The following OCM variants were observed in gnomAD, a reference collection of about 807,000 sequenced individuals.
OCM encodes oncomodulin.
OCM carries 18 observed loss-of-function variants against 14.1 expected under a neutral mutation model. That is an observed-to-expected ratio of 1.28 (90% CI 0.88 to 1.89). OCM has a LOEUF of 1.89. OCM is among the 40% of genes most tolerant of loss of function. The pLI, the probability that OCM is intolerant of heterozygous loss-of-function variation, is 0.00. For missense variants in OCM, 140 were observed against 137.6 expected, an observed-to-expected ratio of 1.02 and a Z score of -0.09; for synonymous variants, 48 against 51.0, an observed-to-expected ratio of 0.94 and a Z score of 0.25.
At chr7:5,885,889 A>G (rs186746352) in intron 3 of OCM, among the ~76,000 whole-genome samples, 175 bp from the exon 4 acceptor site, 1 of 152,246 alleles carries the variant, frequency 6.6e-6, no homozygotes, top group African/African-American at 2.4e-5. Flanking sequence ...GATTACAGGC[A>G]TGAGCCACTG....
the OCM span, among the ~76,000 whole-genome samples, chr7:5,861,238 A>C: frequency 6.6e-6 from 1 of 152,082 alleles, no homozygotes; most frequent in Non-Finnish European, 1.5e-5. Flanking sequence ...CCTGGCCAAC[A>C]CGGTGAAACC....
the OCM span, among the ~76,000 whole-genome samples, chr7:5,863,310 T>C: frequency 6.6e-6 from 1 of 152,150 alleles, no homozygotes; most frequent in Admixed American, 6.6e-5. Flanking sequence ...CCCGGGCGTG[T>C]CCTCAAACTG....
At chr7:5,875,932 CTCAA>C (rs1010150803), upstream of OCM, among the ~76,000 whole-genome samples, 3 of 151,928 alleles carry the variant, frequency 2.0e-5, no homozygotes, top group African/African-American at 2.4e-5. Flanking sequence ...ACTTCCCAGC[CTCAA>C]TCAATCTTCC....
the OCM span, chr7:5,872,086 G>A: frequency 6.6e-6 from 1 of 152,242 alleles, no homozygotes; most frequent in African/African-American, 2.4e-5. Flanking sequence ...GGAGCCCACA[G>A]ATTACGGCGC....
At chr7:5,876,532 A>T (rs1199154140), upstream of OCM, among the ~76,000 whole-genome samples, 1 of 152,122 alleles carries the variant, frequency 6.6e-6, no homozygotes, top group Non-Finnish European at 1.5e-5. Flanking sequence ...ATTTTTATTT[A>T]TTCATTCATC....
the OCM span, among the ~76,000 whole-genome samples, chr7:5,874,713 C>T: frequency 3.3e-5 from 5 of 151,914 alleles, no homozygotes; most frequent in Non-Finnish European, 7.4e-5. Context: ...GCTTTGTAAC[C>T]CAGGCTGGTC....
At chr7:5,883,081 A>T (rs1781254118) in intron 2 of OCM, among the ~76,000 whole-genome samples, 1 of 152,070 alleles carries the variant, frequency 6.6e-6, no homozygotes, top group Admixed American at 6.6e-5. Flanking sequence ...ACTTCAAGTG[A>T]TCCTCCTGCC....
the OCM span, among the ~76,000 whole-genome samples, chr7:5,872,813 C>A: frequency 3.3e-5 from 5 of 152,096 alleles, no homozygotes; most frequent in Non-Finnish European, 5.9e-5. Context: ...CTTCTCTCCA[C>A]TATTATCCTA....
At chr7:5,884,425 C>T (rs1159124562) in intron 3 of OCM, among the ~76,000 whole-genome samples, 3 of 152,190 alleles carry the variant, frequency 2.0e-5, no homozygotes, top group Non-Finnish European at 4.4e-5. Context: ...AAGCCCTCTT[C>T]GTCTTCAAGG....
chr7:5,875,058 ATT>A (rs67221316), upstream of OCM, among the ~76,000 whole-genome samples: 251 of 134,610 alleles, frequency 1.9e-3, no homozygotes, highest in African/African-American at 3.8e-3. Context: ...ATATATATGT[ATT>A]TTTTTTTTTT....
chr7:5,886,301 G>A lies in OCM; in HGVS notation c.*212G>A. On this transcript the variant is annotated 3_prime_UTR_variant, in exon 4 of 4. Coordinates refer to ENST00000242104, the MANE Select transcript of OCM (RefSeq NM_001097622.2). ...GTATATGCCCTGACAACTTCTGTAA[G>A]CCCCCCTTCCCCCAACAGGCAATGC... The A allele has an allele frequency of 1.8e-6, 1 of 561,728 alleles. No individual in the cohort carries two copies. Among genetic ancestry groups the A allele is most frequent in the African/African-American group, 1.9e-5 (1 of 53,306 alleles). 34.8% of individuals were successfully genotyped at this position (561,728 alleles called of 1,614,324 possible).
chr7:5,861,825 C>A, the OCM span, among the ~76,000 whole-genome samples: 1 of 151,698 alleles, frequency 6.6e-6, no homozygotes, highest in African/African-American at 2.4e-5. Context: ...GTGATCCTAC[C>A]GCCTCGGCCT....
At chr7:5,879,543 G>A (rs145875174), upstream of OCM, among the ~76,000 whole-genome samples, 36 of 152,204 alleles carry the variant, frequency 2.4e-4, no homozygotes, top group East Asian at 6.9e-3. Context: ...TATCAGGGGA[G>A]CCTTTTCAGC....
the OCM span, among the ~76,000 whole-genome samples, chr7:5,865,163 T>C: frequency 6.6e-6 from 1 of 151,956 alleles, no homozygotes; most frequent in Non-Finnish European, 1.5e-5. Flanking sequence ...AGGTGTTTCC[T>C]GGCCAGCGTC....
the OCM span, among the ~76,000 whole-genome samples, chr7:5,861,170 C>G: frequency 1.3e-5 from 2 of 151,962 alleles, no homozygotes; most frequent in African/African-American, 4.8e-5. Context: ...GCCTGTAATC[C>G]CAGCACTTTG....
At chr7:5,885,185 A>G (rs191813905) in intron 3 of OCM, among the ~76,000 whole-genome samples, 14 of 152,128 alleles carry the variant, frequency 9.2e-5, no homozygotes, top group East Asian at 3.9e-4. Context: ...AATAAATATA[A>G]AGCAAGTCCC....
At chr7:5,860,271 T>C in the OCM span, among the ~76,000 whole-genome samples, 1 of 151,558 alleles carries the variant, frequency 6.6e-6, no homozygotes, top group Non-Finnish European at 1.5e-5. Flanking sequence ...AAAATCAGCG[T>C]CCTATACCAT....
the OCM span, among the ~76,000 whole-genome samples, chr7:5,862,444 A>G: frequency 3.3e-5 from 5 of 151,990 alleles, no homozygotes; most frequent in African/African-American, 4.8e-5. Flanking sequence ...CCCCCTATAA[A>G]CTAGCCCTAA....
intron 2 of OCM, 51 bp from the exon 3 acceptor site, chr7:5,883,839 A>G: frequency 1.9e-6 from 3 of 1,608,744 alleles, no homozygotes; most frequent in Non-Finnish European, 2.6e-6. Flanking sequence ...GTGTAAACAC[A>G]GAGATGCATG....
Sources: gnomAD v4.1 joint callset for allele counts (sites outside exome capture counted in the v4.1 genomes callset) on GRCh38, gnomAD v4.1.1 for gene constraint, MANE v1.5 for transcripts, NCBI Gene and HGNC (gene_info 2026-07-23, HGNC 2026-07-21) for gene names.